Variants in OSBPL6 observed in about 807,000 individuals in gnomAD.
OSBPL6 encodes oxysterol-binding protein-related protein 6.
OSBPL6 carries 49 observed loss-of-function variants against 125.8 expected under a neutral mutation model. The ratio of observed to expected loss-of-function variants is 0.39; its 90% CI spans 0.31 to 0.49. The LOEUF is 0.49. Among genes scored for constraint, OSBPL6 ranks in the 20% least tolerant of loss-of-function variants. The probability of loss-of-function intolerance (pLI) is 0.88; values close to 1 mark genes in which losing one functional copy is unlikely to be tolerated. For synonymous variants in OSBPL6, 394 were observed against 391.8 expected (o/e 1.01, Z -0.07); for missense variants, 986 against 1,135.4 (o/e 0.87, Z 1.89).
intron 2 of OSBPL6, among the ~76,000 whole-genome samples, chr2:178,293,340 T>G (rs1449077294): frequency 6.6e-6 from 1 of 152,158 alleles, no homozygotes; most frequent in Non-Finnish European, 1.5e-5. Flanking sequence ...TCTTTCCATT[T>G]TGGACTTTTG....
chr2:178,373,643 G>A (rs571644908), intron 14 of OSBPL6, among the ~76,000 whole-genome samples: 5 of 152,286 alleles, frequency 3.3e-5, no homozygotes, highest in African/African-American at 9.6e-5. Context: ...ACCTGACTCA[G>A]TATCAATCAA....
At chr2:178,200,886 C>A (rs2089215722) in intron 1 of OSBPL6, among the ~76,000 whole-genome samples, 1 of 151,900 alleles carries the variant, frequency 6.6e-6, no homozygotes, top group Non-Finnish European at 1.5e-5. Flanking sequence ...AGCTCTGCCT[C>A]CCAGGTTCAC....
At chr2:178,203,711 G>A (rs992336057) in intron 1 of OSBPL6, among the ~76,000 whole-genome samples, 2 of 152,118 alleles carry the variant, frequency 1.3e-5, no homozygotes, top group Admixed American at 6.5e-5. Flanking sequence ...GTTCTGTGAC[G>A]CAATTAATTT....
chr2:178,210,819 AAAAAAC>A (rs1208006781), intron 1 of OSBPL6, among the ~76,000 whole-genome samples: 2 of 122,354 alleles, frequency 1.6e-5, no homozygotes, highest in African/African-American at 7.3e-5. Context: ...TTTCAAAAAA[AAAAAAC>A]ACACACACAC....
chr2:178,293,988 A>C (rs570471379), intron 2 of OSBPL6, among the ~76,000 whole-genome samples: 1 of 152,298 alleles, frequency 6.6e-6, no homozygotes, highest in South Asian at 2.1e-4. Context: ...AAAATTATAA[A>C]ACTTTTAGAA....
intron 3 of OSBPL6, among the ~76,000 whole-genome samples, chr2:178,308,912 C>A (rs1357377194): frequency 6.6e-6 from 1 of 152,156 alleles, no homozygotes. Context: ...CTGAGTAGGG[C>A]AGATTCATGC....
chr2:178,256,226 G>A (rs1374769444), intron 1 of OSBPL6, among the ~76,000 whole-genome samples: 1 of 152,222 alleles, frequency 6.6e-6, no homozygotes, highest in Non-Finnish European at 1.5e-5. Flanking sequence ...GACCCTTTCC[G>A]TGGATAGGAC....
intron 1 of OSBPL6, among the ~76,000 whole-genome samples, chr2:178,273,572 C>A (rs990826928): frequency 3.3e-5 from 5 of 151,196 alleles, no homozygotes; most frequent in Non-Finnish European, 5.9e-5. Context: ...AAAGTGATAC[C>A]CCGTCTCAAA....
At chr2:178,379,009 T>A (rs1375889024) in intron 15 of OSBPL6, among the ~76,000 whole-genome samples, 1 of 151,446 alleles carries the variant, frequency 6.6e-6, no homozygotes. Flanking sequence ...TACAAAAAAA[T>A]AAAATAAAAT....
chr2:178,369,226 A>T (rs943404951), intron 13 of OSBPL6, among the ~76,000 whole-genome samples: 4 of 152,076 alleles, frequency 2.6e-5, no homozygotes, highest in African/African-American at 9.7e-5. Context: ...AGGTGATAAA[A>T]CTCTCTCCAG....
At chr2:178,229,795 G>A (rs1463620300) in intron 1 of OSBPL6, among the ~76,000 whole-genome samples, 1 of 152,114 alleles carries the variant, frequency 6.6e-6, no homozygotes, top group Admixed American at 6.5e-5. Context: ...TAGCACTACT[G>A]CACTCCAGCC....
At chr2:178,234,222 C>T (rs1019269045) in intron 1 of OSBPL6, among the ~76,000 whole-genome samples, 4 of 152,128 alleles carry the variant, frequency 2.6e-5, no homozygotes, top group African/African-American at 9.7e-5. Flanking sequence ...ATGACAACAA[C>T]ATCAACTTTT....
intron 12 of OSBPL6, among the ~76,000 whole-genome samples, chr2:178,353,188 C>T (rs1008645965): frequency 6.6e-6 from 1 of 152,210 alleles, no homozygotes; most frequent in African/African-American, 2.4e-5. Flanking sequence ...CACCTCTTCT[C>T]CTCTAAAGGA....
chr2:178,256,968 AACAG>A (rs904508551), intron 1 of OSBPL6, among the ~76,000 whole-genome samples: 8 of 152,206 alleles, frequency 5.3e-5, no homozygotes, highest in African/African-American at 1.9e-4. Flanking sequence ...GACTAAGCCT[AACAG>A]ACAAATTTAA....
chr2:178,319,203 CA>C (rs1459877664), intron 3 of OSBPL6, among the ~76,000 whole-genome samples: 2 of 152,136 alleles, frequency 1.3e-5, no homozygotes, highest in Non-Finnish European at 2.9e-5. Context: ...TGGAAAATTA[CA>C]AATTGTCTGG....
chr2:178,318,861 G>C, intron 3 of OSBPL6, among the ~76,000 whole-genome samples: 1 of 152,224 alleles, frequency 6.6e-6, no homozygotes, highest in Non-Finnish European at 1.5e-5. Context: ...GAATGCGTAA[G>C]ATTCCTAGAT....
chr2:178,342,386 A>T (rs1388587645), intron 11 of OSBPL6, among the ~76,000 whole-genome samples: 4 of 152,166 alleles, frequency 2.6e-5, no homozygotes. Flanking sequence ...ATAGATCATT[A>T]AAAAAATTGA....
intron 12 of OSBPL6, among the ~76,000 whole-genome samples, chr2:178,360,578 A>T (rs1692261636): frequency 6.6e-6 from 1 of 152,222 alleles, no homozygotes; most frequent in Non-Finnish European, 1.5e-5. Context: ...AATAAAAAAA[A>T]TTTTTAAGCC....
chr2:178,371,143 C>A (rs1313461088), intron 13 of OSBPL6, among the ~76,000 whole-genome samples: 1 of 152,196 alleles, frequency 6.6e-6, no homozygotes, highest in African/African-American at 2.4e-5. Context: ...CTTCTAATCG[C>A]TGATCTTAAT....
Sources: allele counts gnomAD v4.1 joint callset (sites outside exome capture counted in the v4.1 genomes callset), GRCh38; gene constraint gnomAD v4.1.1; transcripts MANE v1.5; gene names NCBI Gene and HGNC (gene_info 2026-07-23, HGNC 2026-07-21).